The following SORCS3 variants were observed in gnomAD, a reference collection of about 807,000 sequenced individuals.
SORCS3 encodes VPS10 domain-containing receptor SorCS3.
Under a neutral mutation model 146.3 loss-of-function variants are expected in SORCS3, and 57 were observed. The observed-to-expected ratio is 0.39, with a 90% CI of 0.31 to 0.49. The LOEUF is 0.49. Ranked by LOEUF, SORCS3 falls within the 20% of genes least tolerant of loss-of-function variation. The probability of loss-of-function intolerance (pLI) is 0.92; values close to 1 mark genes in which losing one functional copy is unlikely to be tolerated. For missense variants in SORCS3, 1,341 were observed against 1,575.5 expected, an observed-to-expected ratio of 0.85 and a Z score of 2.52; for synonymous variants, 653 against 618.5, an observed-to-expected ratio of 1.06 and a Z score of -0.83.
At chr10:104,751,078 A>G (rs898049967) in intron 1 of SORCS3, among the ~76,000 whole-genome samples, 3 of 152,194 alleles carry the variant, frequency 2.0e-5, no homozygotes, top group Non-Finnish European at 4.4e-5. Flanking sequence ...AGAGAGGGCA[A>G]AAAAGAGACA....
intron 6 of SORCS3, among the ~76,000 whole-genome samples, chr10:105,104,994 C>T (rs1055066284): frequency 3.9e-5 from 6 of 152,242 alleles, no homozygotes; most frequent in Admixed American, 3.9e-4. Context: ...TTGCCCTTGC[C>T]TCTGTGGAAA....
rs202188584 is a variant in SORCS3 at position 105,200,069 on chromosome 10, C to T, written c.2080C>T (p.Arg694Trp). The change falls in exon 15 of 27, where the codon CGG becomes TGG. Residue 694 changes from arginine to tryptophan, a missense_variant. Coordinates refer to ENST00000369701, the MANE Select transcript of SORCS3 (RefSeq NM_014978.3). Reference sequence around the variant, plus strand: ...AGTGGACTACAAATCTATCTTCAGCCGGCATTGCACCAAGGAGGACTATCA... The same window carrying T: ...AGTGGACTACAAATCTATCTTCAGCTGGCATTGCACCAAGGAGGACTATCA... ...VKVDYKSIFS[R>W]HCTKEDYQTW... The T allele has an allele frequency of 3.6e-5, 58 of 1,613,590 alleles. No individual in the cohort carries two copies. Among genetic ancestry groups the T allele is most frequent in the Middle Eastern group, 1.6e-4 (1 of 6,074 alleles).
At chr10:104,649,714 A>T (rs71473527) in intron 1 of SORCS3, among the ~76,000 whole-genome samples, 1 of 152,238 alleles carries the variant, frequency 6.6e-6, no homozygotes, top group Non-Finnish European at 1.5e-5. Flanking sequence ...GGGGACCTGT[A>T]TTCTTGAAAT....
intron 25 of SORCS3, among the ~76,000 whole-genome samples, chr10:105,261,160 A>G (rs983645973): frequency 6.6e-6 from 1 of 152,186 alleles, no homozygotes; most frequent in Non-Finnish European, 1.5e-5. Flanking sequence ...GTCAATAAAC[A>G]TTGCCTATTA....
At chr10:105,118,554 A>G (rs1318359295) in intron 7 of SORCS3, among the ~76,000 whole-genome samples, 7 of 152,206 alleles carry the variant, frequency 4.6e-5, no homozygotes, top group African/African-American at 1.7e-4. Context: ...AGGTTGGAAC[A>G]GTTTGGCAGG....
At chr10:105,036,458 G>A (rs2055307398) in intron 4 of SORCS3, among the ~76,000 whole-genome samples, 1 of 152,128 alleles carries the variant, frequency 6.6e-6, no homozygotes, top group Admixed American at 6.5e-5. Context: ...CATGCTGGGT[G>A]CTTAATTAAT....
At chr10:104,858,951 A>AC (rs545615553) in intron 2 of SORCS3, among the ~76,000 whole-genome samples, 2 of 151,068 alleles carry the variant, frequency 1.3e-5, no homozygotes, top group Non-Finnish European at 3.0e-5. Context: ...AAAAAAAAAA[A>AC]AACAACAAAA....
intron 1 of SORCS3, among the ~76,000 whole-genome samples, chr10:104,826,854 C>T (rs1004725776): frequency 6.6e-6 from 1 of 152,206 alleles, no homozygotes. Flanking sequence ...TTCTCAAGCC[C>T]TGCCACTGCT....
chr10:104,904,175 G>A (rs906644572), intron 2 of SORCS3, among the ~76,000 whole-genome samples: 2 of 152,156 alleles, frequency 1.3e-5, no homozygotes, highest in African/African-American at 2.4e-5. Context: ...AGACATTCTG[G>A]TATGGAGATA....
chr10:105,226,889 G>A (rs2056736675), intron 20 of SORCS3, among the ~76,000 whole-genome samples: 2 of 151,776 alleles, frequency 1.3e-5, no homozygotes, highest in Admixed American at 6.6e-5. Context: ...TTGTGTTTCT[G>A]TGGTATCAGT....
At chr10:105,153,119 C>G (rs1352363054) in intron 9 of SORCS3, among the ~76,000 whole-genome samples, 1 of 152,166 alleles carries the variant, frequency 6.6e-6, no homozygotes, top group Non-Finnish European at 1.5e-5. Context: ...GTAGTCCACC[C>G]TTCTCTACCC....
At chr10:105,021,532 G>A (rs534543094) in intron 4 of SORCS3, among the ~76,000 whole-genome samples, 15 of 152,220 alleles carry the variant, frequency 9.9e-5, no homozygotes, top group South Asian at 2.1e-4. Context: ...GAATTCAAGC[G>A]CTCTTTTCCT....
intron 19 of SORCS3, 85 bp downstream of exon 19, chr10:105,217,207 G>A: frequency 1.4e-6 from 2 of 1,407,610 alleles, no homozygotes; most frequent in Admixed American, 3.5e-5. Flanking sequence ...TCAGAGCTGA[G>A]CCCAGGTTCA....
In SORCS3 at chr10:105,003,998, C is replaced by CTTTTTTTTTTTTTTTTTTTT. The variant is rs35604992; in HGVS notation, c.954+26506_954+26507insTTTTTTTTTTTTTTTTTTTT. The stretch of plus-strand genomic sequence containing the variant: ...TTCCCCTCCTTTTTTTCTCTTCTCT[C>CTTTTTTTTTTTTTTTTTTTT]TCTTTTTTTTTTTTTTACCAGAGAA... On this transcript the variant is annotated intron_variant, in intron 4 of 26. Transcript: ENST00000369701. Among the ~76,000 whole-genome samples, 889 of 135,756 alleles carry CTTTTTTTTTTTTTTTTTTTT rather than the reference C, an allele frequency of 6.5e-3. 48 individuals carry two copies. Among genetic ancestry groups the CTTTTTTTTTTTTTTTTTTTT allele is most frequent in the Non-Finnish European group, 9.3e-3 (594 of 64,184 alleles). 89.1% of individuals were successfully genotyped at this position (135,756 alleles called of 152,430 possible).
intron 20 of SORCS3, among the ~76,000 whole-genome samples, chr10:105,232,627 T>G (rs1314844810): frequency 6.6e-6 from 1 of 151,846 alleles, no homozygotes; most frequent in Non-Finnish European, 1.5e-5. Flanking sequence ...GTTAGATGAC[T>G]GATTCTAGAT....
intron 3 of SORCS3, among the ~76,000 whole-genome samples, chr10:104,945,690 A>C (rs1248086494): frequency 1.3e-5 from 2 of 151,712 alleles, no homozygotes; most frequent in Non-Finnish European, 2.9e-5. Flanking sequence ...TGCAAGGTTT[A>C]CTTTAAACTA....
At chr10:104,693,965 A>G (rs1247459471) in intron 1 of SORCS3, among the ~76,000 whole-genome samples, 1 of 152,092 alleles carries the variant, frequency 6.6e-6, no homozygotes, top group Non-Finnish European at 1.5e-5. Flanking sequence ...TAAAGCATCC[A>G]TTTGAAACCA....
chr10:105,157,390 C>A, intron 10 of SORCS3, 106 bp downstream of exon 10: 1 of 1,352,948 alleles, frequency 7.4e-7, no homozygotes, highest in Non-Finnish European at 1.0e-6. Flanking sequence ...TCAGGTGGTG[C>A]AGAGCAGTAA....
chr10:104,827,667 T>C (rs550921309), intron 1 of SORCS3, among the ~76,000 whole-genome samples: 1 of 152,302 alleles, frequency 6.6e-6, no homozygotes, highest in South Asian at 2.1e-4. Context: ...AGTTATCCTG[T>C]CTTTTGAAGC....
Sources: allele counts gnomAD v4.1 joint callset (sites outside exome capture counted in the v4.1 genomes callset), GRCh38; gene constraint gnomAD v4.1.1; transcripts MANE v1.5; gene names NCBI Gene and HGNC (gene_info 2026-07-23, HGNC 2026-07-21).